The following DENND2D variants were observed in gnomAD, a reference collection of about 807,000 sequenced individuals.
The protein encoded by DENND2D is DENN domain-containing protein 2D.
Under a neutral mutation model 59.8 loss-of-function variants are expected in DENND2D, and 37 were observed. The observed-to-expected ratio is 0.62, with a 90% CI of 0.48 to 0.81. The LOEUF is 0.81. Ranked by LOEUF, DENND2D falls within the 40% of genes least tolerant of loss-of-function variation. The pLI, the probability that DENND2D is intolerant of heterozygous loss-of-function variation, is 0.00. For missense variants in DENND2D, 525 were observed against 579.7 expected (o/e 0.91, Z 0.97); for synonymous variants, 219 against 211.3 (o/e 1.04, Z -0.31).
chr1:111,189,079 G>C, intron 9 of DENND2D, 133 bp downstream of exon 9: 1 of 1,029,328 alleles, frequency 9.7e-7, no homozygotes. Context: ...CCTTGAGAGA[G>C]ATGTGGTCTT....
chr1:111,195,789 G>T, intron 6 of DENND2D, 127 bp downstream of exon 6: 1 of 1,365,040 alleles, frequency 7.3e-7, no homozygotes, highest in Non-Finnish European at 1.0e-6. Context: ...TTCTAACCAA[G>T]TCCCAGTCCC....
At chr1:111,197,342 T>G in intron 4 of DENND2D, 89 bp from the exon 5 acceptor site, 1 of 1,536,620 alleles carries the variant, frequency 6.5e-7, no homozygotes, top group Non-Finnish European at 8.7e-7. Context: ...GGCTGAGGGC[T>G]GGGGAGGGGG....
intron 2 of DENND2D, among the ~76,000 whole-genome samples, chr1:111,199,057 CA>C (rs1336320587): frequency 6.6e-6 from 1 of 152,242 alleles, no homozygotes; most frequent in African/African-American, 2.4e-5. Context: ...TGAAATGGCC[CA>C]GGCCCCTGGG....
At chr1:111,195,598 G>A in intron 6 of DENND2D, 1 of 310,770 alleles carries the variant, frequency 3.2e-6, no homozygotes, top group South Asian at 2.8e-5. Context: ...GAGTGGAAGG[G>A]GGGTAGCGGC....
chr1:111,200,083 G>A, intron 1 of DENND2D: 1 of 574,526 alleles, frequency 1.7e-6, no homozygotes, highest in South Asian at 2.2e-5. Flanking sequence ...CAAGGCCCCA[G>A]GGTACCACAG....
At chr1:111,202,720 C>CACACAT (rs1658927998), upstream of DENND2D, among the ~76,000 whole-genome samples, 1 of 151,788 alleles carries the variant, frequency 6.6e-6, no homozygotes, top group African/African-American at 2.4e-5. Context: ...CACACACACA[C>CACACAT]ACACACTCCC....
chr1:111,194,839 G>T, intron 6 of DENND2D, 113 bp from the exon 7 acceptor site: 1 of 1,213,180 alleles, frequency 8.2e-7, no homozygotes. Flanking sequence ...AGTGAATCTG[G>T]CCCTGTCTCT....
upstream of DENND2D, among the ~76,000 whole-genome samples, chr1:111,203,096 C>G (rs945311281): frequency 3.9e-5 from 6 of 152,218 alleles, no homozygotes; most frequent in African/African-American, 1.4e-4. Context: ...ACTGCACGGT[C>G]CCAGGCCTCT....
intron 1 of DENND2D, chr1:111,200,068 GAGGCCA>G: frequency 1.7e-6 from 1 of 581,936 alleles, no homozygotes; most frequent in East Asian, 2.9e-5. Flanking sequence ...AGGCCACATG[GAGGCCA>G]AGGCCCCAGG....
intron 4 of DENND2D, 55 bp downstream of exon 4, chr1:111,197,865 G>GCC: frequency 1.2e-6 from 2 of 1,611,168 alleles, no homozygotes; most frequent in Non-Finnish European, 1.7e-6. Flanking sequence ...AGCAAGCCCA[G>GCC]CCGTGGAGCT....
chr1:111,199,782 AT>A lies in DENND2D; in HGVS notation c.83del (p.Asn28IlefsTer6). The A allele has an allele frequency of 6.2e-7, 1 of 1,613,872 alleles. No individual in the cohort carries two copies. The highest frequency in any genetic ancestry group is 8.5e-7 in the Non-Finnish European group (1 of 1,179,944). ...CTGGTTCCTTTAAAGCTTCCCCTGA[AT>A]TGTCCTGGGGTGGTCCTGAAATCAA... ...LQLRAGPPQD[N>X]SGEALKEPER... On this transcript the variant is annotated frameshift_variant, in exon 2 of 12. Coordinates refer to ENST00000357640, the MANE Select transcript of DENND2D (RefSeq NM_024901.5). LOFTEE classifies it high-confidence loss of function.
intron 8 of DENND2D, among the ~76,000 whole-genome samples, chr1:111,191,766 C>A (rs1372796715): frequency 6.6e-6 from 1 of 152,190 alleles, no homozygotes; most frequent in Non-Finnish European, 1.5e-5. Context: ...TATAGACCAG[C>A]TGTGTCATAC....
chr1:111,187,740 G>A, intron 11 of DENND2D, 59 bp from the exon 12 acceptor site: 5 of 1,340,494 alleles, frequency 3.7e-6, no homozygotes, highest in Non-Finnish European at 5.3e-6. Context: ...ATTATAATGA[G>A]CTCAGGAATA....
intron 4 of DENND2D, 197 bp from the exon 5 acceptor site, chr1:111,197,450 G>GCTGCCACCTTCAGTGCCAGCA: frequency 7.0e-7 from 1 of 1,429,706 alleles, no homozygotes; most frequent in Non-Finnish European, 9.1e-7. Flanking sequence ...GTGGGCAAGC[G>GCTGCCACCTTCAGTGCCAGCA]CTGCCACCTT....
Position 111,188,684 on chromosome 1 carries a change from A to G in DENND2D, c.1099+18T>C, listed in dbSNP as rs765342523. The G allele has an allele frequency of 4.5e-5, 72 of 1,597,756 alleles. No individual in the cohort carries two copies. The Middle Eastern group carries it at 2.7e-3, about 59-fold the overall frequency. On this transcript the variant is annotated intron_variant, in intron 10 of 11. Coordinates refer to ENST00000357640, the MANE Select transcript of DENND2D (RefSeq NM_024901.5). ...CTTGCACTGCCTGGAGAGACCCAAA[A>G]TAAGAGTAAGGACTTACTCTTTAAC...
In DENND2D at chr1:111,187,416, CA is replaced by C; in HGVS notation, c.*188del. ...CTGTGAGCATGGTGTCAGAGCCCTC[CA>C]AAGTCCTGAGAAATCAATACCAGGG... On this transcript the variant is annotated 3_prime_UTR_variant, in exon 12 of 12. Transcript: ENST00000357640. The C allele has an allele frequency of 1.7e-6, 1 of 597,162 alleles. No individual in the cohort carries two copies. The highest frequency in any genetic ancestry group is 3.0e-6 in the Non-Finnish European group (1 of 334,466). The allele number at this position is 597,162 out of a possible 1,614,324, so 37.0% of individuals were successfully genotyped here.
intron 7 of DENND2D, among the ~76,000 whole-genome samples, chr1:111,192,793 C>T (rs900562926): frequency 6.6e-6 from 1 of 152,174 alleles, no homozygotes; most frequent in Non-Finnish European, 1.5e-5. Context: ...GAGGCTCAGC[C>T]GAGAGGCAAA....
rs535500627 is a variant in DENND2D at position 111,186,637 on chromosome 1, C to T, written c.*968G>A. On this transcript the variant is annotated 3_prime_UTR_variant, in exon 12 of 12. Coordinates refer to ENST00000357640, the MANE Select transcript of DENND2D (RefSeq NM_024901.5). ...TAGGTGACCACTAAACTCCTTCAGA[C>T]TCTTAAAATTACGATTCTTTTCTCA... Among the ~76,000 whole-genome samples the T allele has an allele frequency of 6.6e-6, 1 of 152,266 alleles. No homozygotes were observed. Among genetic ancestry groups the T allele is most frequent in the South Asian group, 2.1e-4 (1 of 4,824 alleles).
rs145056723 is a variant in DENND2D at position 111,194,620 on chromosome 1, G to A, written c.752C>T (p.Ala251Val). 1.1e-5 allele frequency: 17 copies of A among 1,614,084 alleles called. No homozygotes were observed. The African/African-American group carries it at 2.1e-4, about 20-fold the overall frequency. ...FEQILQIFAS[A>V]VLERKIIFLA... ...GAAGATGATTTTTCTCTCCAGCACGGCAGAGGCAAAGATCTGAAGTATCTG... is the reference window on the plus strand; with the variant it reads ...GAAGATGATTTTTCTCTCCAGCACGACAGAGGCAAAGATCTGAAGTATCTG... Residue 251 changes from alanine to valine, a missense_variant, in exon 7 of 12, where the codon GCC becomes GTC. Ala to Val is a moderately conservative substitution (Grantham distance 64). Around this residue, in one of 3 missense-constraint regions of DENND2D, gnomAD observed 47 missense variants for 80.9 expected, o/e 0.58. Coordinates refer to ENST00000357640, the MANE Select transcript of DENND2D (RefSeq NM_024901.5).
Sources: gnomAD v4.1 joint callset for allele counts (sites outside exome capture counted in the v4.1 genomes callset) on GRCh38, gnomAD v4.1.1 for gene constraint, gnomAD v4.1.1 regional missense constraint, MANE v1.5 for transcripts, NCBI Gene and HGNC (gene_info 2026-07-23, HGNC 2026-07-21) for gene names.